Variants in TAF4 observed in about 807,000 individuals in gnomAD.
The protein encoded by TAF4 is TATA-box binding protein associated factor 4.
TAF4 carries 9 observed loss-of-function variants against 90.3 expected under a neutral mutation model. That is an observed-to-expected ratio of 0.10 (90% confidence interval 0.06 to 0.17). The LOEUF is 0.17. TAF4 is among the 10% of genes least tolerant of loss of function. The pLI is 1.00. For missense variants in TAF4, 1,351 were observed against 1,370.7 expected, an observed-to-expected ratio of 0.99 and a Z score of 0.23; for synonymous variants, 818 against 638.9, an observed-to-expected ratio of 1.28 and a Z score of -4.23.
chr20:62,002,584 G>A (rs893368085), intron 9 of TAF4, among the ~76,000 whole-genome samples: 15 of 152,152 alleles, frequency 9.9e-5, no homozygotes, highest in African/African-American at 2.9e-4. Flanking sequence ...CTGAACTCCT[G>A]GGCAGAAGTG....
At chr20:62,030,917 T>C (rs1261109437) in intron 1 of TAF4, among the ~76,000 whole-genome samples, 1 of 152,110 alleles carries the variant, frequency 6.6e-6, no homozygotes, top group African/African-American at 2.4e-5. Flanking sequence ...CTTCACCTCT[T>C]CTCAGTACTC....
rs1159490366 is a variant in TAF4 at position 61,975,979 on chromosome 20, C to CCA, written c.*187_*188dup. The CCA allele has an allele frequency of 1.6e-6, 1 of 625,570 alleles. No individual in the cohort carries two copies. The highest frequency in any genetic ancestry group is 2.7e-6 in the Non-Finnish European group (1 of 364,202). 38.8% of individuals were successfully genotyped at this position (625,570 alleles called of 1,614,324 possible). ...AGATTTAATTGTCCTTTAAGAGTAT[C>CCA]CACAGGCCTTTGTGTTCTCTCTGTT... is the stretch of plus-strand genomic sequence containing the variant. On this transcript the variant is annotated 3_prime_UTR_variant, in exon 15 of 15. Transcript: ENST00000252996.
intron 1 of TAF4, among the ~76,000 whole-genome samples, chr20:62,041,048 T>C (rs2055960867): frequency 6.6e-6 from 1 of 152,154 alleles, no homozygotes; most frequent in South Asian, 2.1e-4. Context: ...CCAAGTACTC[T>C]GAGTAGGAAG....
intron 1 of TAF4, among the ~76,000 whole-genome samples, chr20:62,042,446 G>A (rs756589814): frequency 6.6e-6 from 1 of 152,212 alleles, no homozygotes; most frequent in African/African-American, 2.4e-5. Flanking sequence ...AGAGGGCAGG[G>A]GGAAAAAGGC....
chr20:62,051,994 G>A (rs989240222), intron 1 of TAF4, among the ~76,000 whole-genome samples: 1 of 152,064 alleles, frequency 6.6e-6, no homozygotes, highest in African/African-American at 2.4e-5. Flanking sequence ...ACCCCTGCAG[G>A]GCCATGTCAC....
intron 11 of TAF4, among the ~76,000 whole-genome samples, chr20:61,999,866 T>C (rs1379604370): frequency 6.6e-6 from 1 of 152,186 alleles, no homozygotes; most frequent in East Asian, 1.9e-4. Context: ...CAAGAATCGC[T>C]TGAACCCACG....
chr20:62,001,713 G>A (rs999848564), intron 9 of TAF4, among the ~76,000 whole-genome samples: 4 of 152,130 alleles, frequency 2.6e-5, no homozygotes, highest in Non-Finnish European at 5.9e-5. Flanking sequence ...TAGGGCTCCA[G>A]CTGAAGGACC....
rs2055859908 is a variant in TAF4, at chr20:62,023,934, T to C, written c.1361-9227A>G. 2.0e-5 allele frequency among the ~76,000 whole-genome samples: 3 copies of C among 151,310 alleles called. No homozygotes were observed. The South Asian group carries it at 6.3e-4, about 32-fold the overall frequency. On this transcript the variant is annotated intron_variant, in intron 1 of 14. Coordinates refer to ENST00000252996, the MANE Select transcript of TAF4 (RefSeq NM_003185.4). ...CCCATCTCTACTAAAAATACAAAAATTAGACGGTGTGGGCACGCCTGTGGT... is the reference window on the plus strand; with the variant it reads ...CCCATCTCTACTAAAAATACAAAAACTAGACGGTGTGGGCACGCCTGTGGT...
At position 62,064,994 on chromosome 20, in the gene TAF4, G is replaced by T; in HGVS notation, c.817C>A (p.Pro273Thr). ...PAAPAAAPPP[P>T]PPAPATLARP... ...GCCAGAGTGGCGGGCGCGGGGGGTG[G>T]CGGGGGCGGGGCGGCGGCGGGGGCG... The change falls in exon 1 of 15, where the codon CCA becomes ACA. Residue 273 changes from proline to threonine, a missense_variant. This residue lies in a region of TAF4 where 782 missense variants were observed against 536.6 expected (regional missense o/e 1.46). Transcript: ENST00000252996. 1 of 254,810 alleles carries T rather than the reference G, an allele frequency of 3.9e-6. No homozygotes were observed. Among genetic ancestry groups the T allele is most frequent in the Non-Finnish European group, 5.7e-6 (1 of 176,820 alleles). The allele number at this position is 254,810 out of a possible 1,614,324, so 15.8% of individuals were successfully genotyped here.
rs1454200654 is a variant in TAF4 at position 62,065,223 on chromosome 20, T to C, written c.588A>G (p.Gln196=). 2.9e-5 allele frequency: 33 copies of C among 1,134,516 alleles called. No homozygotes were observed. Among genetic ancestry groups the C allele is most frequent in the African/African-American group, 5.6e-5 (3 of 53,134 alleles). The allele number at this position is 1,134,516 out of a possible 1,614,324, so 70.3% of individuals were successfully genotyped here. ...PGKPAGPGAA[Q]TLNGSAALLN... ...GCAGCGCGGCGCTCCCATTCAAAGT[T>C]TGCGCGGCGCCGGGGCCGGCGGGCT... The change falls in exon 1 of 15, where the codon CAA becomes CAG. Residue 196 remains glutamine (Q), a synonymous_variant. Transcript: ENST00000252996.
intron 11 of TAF4, 60 bp from the exon 12 acceptor site, chr20:61,999,168 T>G: frequency 6.3e-7 from 1 of 1,592,142 alleles, no homozygotes; most frequent in Non-Finnish European, 8.5e-7. Flanking sequence ...AGCAAAGGGG[T>G]TGTCTAGCAC....
chr20:62,003,233 G>A lies in TAF4; in HGVS notation c.2413C>T (p.Leu805Phe). 6.2e-7 allele frequency: 1 copy of A among 1,614,192 alleles called. No homozygotes were observed. The highest frequency in any genetic ancestry group is 8.5e-7 in the Non-Finnish European group (1 of 1,180,042). Reference sequence around the variant, plus strand: ...GCTGCTTGTGCCGAGACAGCAGAAAGGGCTTTGGTTCCAGGTAACACGGCG... The same window carrying A: ...GCTGCTTGTGCCGAGACAGCAGAAAAGGCTTTGGTTCCAGGTAACACGGCG... ...KPAVLPGTKA[L>F]SAVSAQAAAA... is the part of the protein sequence containing the mutation. Residue 805 changes from leucine (L) to phenylalanine (F), a missense_variant, in exon 9 of 15, where the codon CTT becomes TTT. This residue lies in a region of TAF4 where 202 missense variants were observed against 229.7 expected (regional missense o/e 0.88). Transcript: ENST00000252996.
chr20:61,998,038 A>T, intron 13 of TAF4, 98 bp downstream of exon 13: 1 of 1,148,670 alleles, frequency 8.7e-7, no homozygotes, highest in Non-Finnish European at 1.3e-6. Flanking sequence ...GCAAATGCCT[A>T]TCGTACAGAA....
chr20:61,993,838 C>T lies in TAF4; in HGVS notation c.3090+3712G>A, dbSNP rs571771680. Among the ~76,000 whole-genome samples, 110 of 152,206 alleles carry T rather than the reference C, an allele frequency of 7.2e-4. 1 individual carries two copies. The highest frequency in any genetic ancestry group is 1.8e-3 in the African/African-American group (76 of 41,520). ...CACAATCTCAGCTCACTGCAACCTC[C>T]GCCTCCAGGGTTCAAGTGATTCTCC... On this transcript the variant is annotated intron_variant, in intron 14 of 14. Transcript: ENST00000252996.
chr20:61,979,977 T>C (rs1169509437), intron 14 of TAF4, among the ~76,000 whole-genome samples: 1 of 152,246 alleles, frequency 6.6e-6, no homozygotes, highest in Non-Finnish European at 1.5e-5. Context: ...GGCACCAACA[T>C]GGAGCCCTGG....
Position 62,006,869 on chromosome 20 carries a change from ATGGATCT to A in TAF4, c.1975-118_1975-112del, listed in dbSNP as rs2055749664. ...ACAGAAAGCTTTTGAGCTAAGTAAG[ATGGATCT>A]TGGCCCTCACGGCAGCATGTCTGGA... On this transcript the variant is annotated intron_variant, in intron 6 of 14. Transcript: ENST00000252996. This position sits in a 1 kb window ranked among gnomAD's most constrained non-coding sequence, Gnocchi z 7.0. The A allele has an allele frequency of 1.5e-6, 2 of 1,367,574 alleles. No homozygotes were observed. Among genetic ancestry groups the A allele is most frequent in the East Asian group, 5.5e-5 (2 of 36,130 alleles). The allele number at this position is 1,367,574 out of a possible 1,614,324, so 84.7% of individuals were successfully genotyped here. A position where few individuals can be genotyped will look rare whatever the true frequency, so the allele number is the denominator to read the frequency against.
intron 14 of TAF4, among the ~76,000 whole-genome samples, chr20:61,989,853 G>A (rs1207126993): frequency 1.3e-5 from 2 of 152,210 alleles, no homozygotes; most frequent in East Asian, 1.9e-4. Context: ...CCCAGCAGAG[G>A]GCAACCAGCA....
At position 61,975,012 on chromosome 20, in the gene TAF4, C is replaced by T. The variant is rs984618807; in HGVS notation, c.*1156G>A. On this transcript the variant is annotated 3_prime_UTR_variant, in exon 15 of 15. Transcript: ENST00000252996. ...GGTGTTGATAAAAAATACTGATCAG[C>T]GTTCAGTTCACACGCGCTCGAATTA... 6.6e-6 allele frequency: 1 copy of T among 152,258 alleles called. No homozygotes were observed. Among genetic ancestry groups the T allele is most frequent in the Admixed American group, 6.6e-5 (1 of 15,264 alleles). The allele number at this position is 152,258 out of a possible 1,614,324, so 9.4% of individuals were successfully genotyped here.
chr20:61,990,969 G>GCTGGAT (rs2055627832), intron 14 of TAF4, among the ~76,000 whole-genome samples: 5 of 152,132 alleles, frequency 3.3e-5, no homozygotes, highest in Admixed American at 1.3e-4. Context: ...TCCCAGACAG[G>GCTGGAT]CTCCCATGAG....
Sources: allele counts gnomAD v4.1 joint callset (sites outside exome capture counted in the v4.1 genomes callset), GRCh38; gene constraint gnomAD v4.1.1; regional missense constraint gnomAD v4.1.1; non-coding constraint Gnocchi (gnomAD v3.1); transcripts MANE v1.5; gene names NCBI Gene and HGNC (gene_info 2026-07-23, HGNC 2026-07-21).